SLC41A3: variants seen among roughly 807,000 people sequenced by gnomAD.
SLC41A3 encodes the protein SLC41A1-like 2.
SLC41A3 carries 44 observed loss-of-function variants against 45.4 expected under a neutral mutation model. The ratio of observed to expected loss-of-function variants is 0.97; its 90% CI spans 0.76 to 1.25. The LOEUF (loss-of-function observed/expected upper bound fraction) is 1.25, where lower values mean the gene tolerates loss of function less well. Ranked by LOEUF, SLC41A3 falls within the 50% of genes most tolerant of loss-of-function variation. The probability of loss-of-function intolerance (pLI) is 0.00; values close to 1 mark genes in which losing one functional copy is unlikely to be tolerated. For missense variants in SLC41A3, 550 were observed against 600.6 expected (o/e 0.92, Z 0.88); for synonymous variants, 256 against 252.4 (o/e 1.01, Z -0.13).
At chr3:126,100,512 C>T (rs996082998) in intron 1 of SLC41A3, among the ~76,000 whole-genome samples, 11 of 152,244 alleles carry the variant, frequency 7.2e-5, no homozygotes, top group Admixed American at 2.0e-4. Context: ...CTGGTAGTGG[C>T]GGAGGTTTAA....
At chr3:126,015,454 C>A (rs371182225) in intron 8 of SLC41A3, 40 bp downstream of exon 8, 70 of 1,607,188 alleles carry the variant, frequency 4.4e-5, no homozygotes, top group Non-Finnish European at 5.6e-5. Context: ...TGTGGGCCTA[C>A]CCAACCCAGG....
intron 2 of SLC41A3, 97 bp from the exon 3 acceptor site, chr3:126,051,147 C>CTTTAT: frequency 7.5e-7 from 1 of 1,335,978 alleles, no homozygotes; most frequent in Non-Finnish European, 9.9e-7. Flanking sequence ...TTTTCACTCC[C>CTTTAT]TATAAAATGA....
intron 3 of SLC41A3, among the ~76,000 whole-genome samples, chr3:126,037,513 G>A (rs1942288974): frequency 1.3e-5 from 2 of 152,326 alleles, no homozygotes; most frequent in South Asian, 4.1e-4. Flanking sequence ...GAACTTGGCT[G>A]CACTGTGCCC....
chr3:126,009,618 T>C (rs1385034252), intron 9 of SLC41A3, among the ~76,000 whole-genome samples: 2 of 152,356 alleles, frequency 1.3e-5, no homozygotes, highest in East Asian at 1.9e-4. Context: ...TGAGTTAATA[T>C]ATGTATTTCA....
At chr3:126,085,040 CA>C (rs550916125), upstream of SLC41A3, among the ~76,000 whole-genome samples, 4 of 152,370 alleles carry the variant, frequency 2.6e-5, no homozygotes, top group East Asian at 7.7e-4. Flanking sequence ...TTGGTCTCCA[CA>C]ACCTCTTAAC....
intron 2 of SLC41A3, chr3:126,056,461 A>G (rs1943670381): frequency 6.2e-7 from 1 of 1,613,994 alleles, no homozygotes; most frequent in African/African-American, 1.3e-5. Context: ...TTCAGGCAAG[A>G]CCCCATGTGG....
rs764307563 is a variant in SLC41A3 at position 126,007,204 on chromosome 3, C to A, written c.1276G>T (p.Ala426Ser). 1 of 1,613,964 alleles carries A rather than the reference C, an allele frequency of 6.2e-7. No homozygotes were observed. Among genetic ancestry groups the A allele is most frequent in the East Asian group, 2.2e-5 (1 of 44,870 alleles). ...CAAGTCAGCCGAACCATCACTTCTGCGAGGTACAGCAGGATTGTCACCTGT... is the reference window on the plus strand; with the variant it reads ...CAAGTCAGCCGAACCATCACTTCTGAGAGGTACAGCAGGATTGTCACCTGT... ...LIQVTILLYL[A>S]EVMVRLTWHQ... The change falls in exon 11 of 11, where the codon GCA (alanine) becomes TCA (serine). Residue 426 changes from alanine (A) to serine (S), a missense_variant. Transcript: ENST00000360370.
At chr3:126,077,101 G>T (rs1396570758) in intron 1 of SLC41A3, among the ~76,000 whole-genome samples, 1 of 152,158 alleles carries the variant, frequency 6.6e-6, no homozygotes, top group Non-Finnish European at 1.5e-5. Context: ...TAACGAGGCT[G>T]GGCACGATGC....
chr3:126,016,455 T>G (rs534386632), intron 7 of SLC41A3, among the ~76,000 whole-genome samples: 1 of 152,354 alleles, frequency 6.6e-6, no homozygotes, highest in East Asian at 1.9e-4. Flanking sequence ...TGCACTCCAG[T>G]GCCGGCCCCA....
Position 126,061,031 on chromosome 3 carries a change from G to A in SLC41A3, c.273+6916C>T, listed in dbSNP as rs547713949. On this transcript the variant is annotated intron_variant, in intron 2 of 10. Transcript: ENST00000360370. ...GTTCTTACTGGGGTGTGTTTTTAGGGGAGGGTCCACAGAGTGTGGGCAGGG... is the reference window on the plus strand; with the variant it reads ...GTTCTTACTGGGGTGTGTTTTTAGGAGAGGGTCCACAGAGTGTGGGCAGGG... Among the ~76,000 whole-genome samples the A allele has an allele frequency of 4.1e-4, 63 of 152,282 alleles. 1 individual carries two copies. In the South Asian group the frequency reaches 5.8e-3, roughly 14 times the overall value.
intron 2 of SLC41A3, among the ~76,000 whole-genome samples, chr3:126,059,651 C>T (rs1457651958): frequency 6.6e-6 from 1 of 152,166 alleles, no homozygotes; most frequent in Non-Finnish European, 1.5e-5. Context: ...GGCTGCCTGC[C>T]AACCCCATCA....
At chr3:126,086,496 ATCTGTG>A (rs1287209022), upstream of SLC41A3, among the ~76,000 whole-genome samples, 6 of 46,450 alleles carry the variant, frequency 1.3e-4, no homozygotes, top group African/African-American at 9.5e-4. Context: ...AAGCTATAGG[ATCTGTG>A]TGTGTGTGTG....
intron 1 of SLC41A3, among the ~76,000 whole-genome samples, chr3:126,097,028 A>G (rs889134652): frequency 1.3e-5 from 2 of 152,226 alleles, no homozygotes; most frequent in Admixed American, 1.3e-4. Context: ...AATGAAAGGA[A>G]GGTGTGCTTG....
chr3:126,022,759 G>T (rs534172035), intron 6 of SLC41A3, 27 bp downstream of exon 6: 2 of 1,613,420 alleles, frequency 1.2e-6, no homozygotes, highest in Admixed American at 3.3e-5. Context: ...CGGAGCCTTT[G>T]TGTCTATAGA....
At position 126,022,921 on chromosome 3, in the gene SLC41A3, C is replaced by G. The variant is rs1941027431; in HGVS notation, c.610G>C (p.Val204Leu). ...TTTCGAGCACCAATCACTATACAGA[C>G]CATCAGCACCCCTGCAGAGAGAGAG... Reference protein sequence around the residue: ...LAAFALGVLMVCIVIGARKLG... With the variant: ...LAAFALGVLMLCIVIGARKLG... The change falls in exon 6 of 11, where the codon GTC becomes CTC. Residue 204 changes from valine (V) to leucine (L), a missense_variant. Physicochemically the swap from Val to Leu is conservative, Grantham distance 32. Transcript: ENST00000360370. The G allele has an allele frequency of 6.2e-7, 1 of 1,614,164 alleles. No individual in the cohort carries two copies.
At chr3:126,058,042 G>A (rs927062131) in intron 2 of SLC41A3, 1 of 152,288 alleles carries the variant, frequency 6.6e-6, no homozygotes, top group Non-Finnish European at 1.5e-5. Flanking sequence ...ACTCTGCTGT[G>A]AGGAAGACCA....
Position 126,068,038 on chromosome 3 carries a change from G to T in SLC41A3, c.182C>A (p.Thr61Asn), listed in dbSNP as rs1371312541. Residue 61 changes from threonine (T) to asparagine (N), a missense_variant, in exon 2 of 11, where the codon ACC becomes AAC. Thr to Asn is a moderately conservative substitution (Grantham distance 65). Transcript: ENST00000360370. Reference sequence around the variant, plus strand: ...CACCTGAAGGCCTATGGACCAGGTGGTCTCCCTGCTAGGCTCAGTCTCCAG... The same window carrying T: ...CACCTGAAGGCCTATGGACCAGGTGTTCTCCCTGCTAGGCTCAGTCTCCAG... ...KPLETEPSRE[T>N]TWSIGLQVTV... 2 of 1,613,916 alleles carry T rather than the reference G, an allele frequency of 1.2e-6. No homozygotes were observed. The highest frequency in any genetic ancestry group is 4.5e-5 in the East Asian group (2 of 44,838).
chr3:126,099,042 C>T (rs746673071), intron 1 of SLC41A3, among the ~76,000 whole-genome samples: 11 of 149,602 alleles, frequency 7.4e-5, no homozygotes, highest in East Asian at 2.0e-4. Context: ...GCTGGGATTA[C>T]GGACATGAGC....
Position 126,056,588 on chromosome 3 carries a change from G to T in SLC41A3, c.274-5538C>A, listed in dbSNP as rs769147673. On this transcript the variant is annotated intron_variant, in intron 2 of 10. Transcript: ENST00000360370. ...TGCACCACGATCCCAGGAGCACGAAGTCAGAGCCTGGGGTGCTCCAGTCCT... is the reference window on the plus strand; with the variant it reads ...TGCACCACGATCCCAGGAGCACGAATTCAGAGCCTGGGGTGCTCCAGTCCT... The T allele has an allele frequency of 1.1e-5, 18 of 1,595,780 alleles. No individual in the cohort carries two copies. In the East Asian group the frequency reaches 3.8e-4, roughly 34 times the overall value.
Sources: gnomAD v4.1 joint callset for allele counts (sites outside exome capture counted in the v4.1 genomes callset) on GRCh38, gnomAD v4.1.1 for gene constraint, MANE v1.5 for transcripts, NCBI Gene and HGNC (gene_info 2026-07-23, HGNC 2026-07-21) for gene names.